Variants in ASTE1 observed in about 807,000 individuals in gnomAD.
ASTE1 encodes the protein single-strand DNA endonuclease ASTE1.
In ASTE1, 49 loss-of-function variants were observed where a neutral mutation model predicts 45.8. That is an observed-to-expected ratio of 1.07 (90% CI 0.85 to 1.36). The LOEUF is 1.36. Ranked by LOEUF, ASTE1 falls within the 40% of genes most tolerant of loss-of-function variation. ASTE1 has a pLI of 0.00. For synonymous variants in ASTE1, 296 were observed against 303.9 expected (o/e 0.97, Z 0.27); for missense variants, 709 against 804.0 (o/e 0.88, Z 1.43).
rs920656141 is a variant in ASTE1 at position 131,025,235 on chromosome 3, C to T, written c.72G>A (p.Arg24=). Residue 24 remains arginine (R), a synonymous_variant, in exon 3 of 6, where the codon CGG becomes CGA. Transcript: ENST00000264992. ...SNEFFTDLKL[R]DTKIVIDGYA... ...AACCATCAATGACAATTTTTGTGTC[C>T]CGCAACTTCAAATCAGTGAAGAACT... is the stretch of plus-strand genomic sequence containing the variant. 1 of 1,614,096 alleles carries T rather than the reference C, an allele frequency of 6.2e-7. No homozygotes were observed. Among genetic ancestry groups the T allele is most frequent in the East Asian group, 2.2e-5 (1 of 44,884 alleles).
intron 5 of ASTE1, 157 bp downstream of exon 5, chr3:131,015,987 C>CA (rs777789460): frequency 1.1e-6 from 1 of 893,798 alleles, no homozygotes; most frequent in South Asian, 1.5e-5. Flanking sequence ...TCCAGCTCTT[C>CA]AGCTGTAACA....
Position 131,025,267 on chromosome 3 carries a change from T to A in ASTE1, c.40A>T (p.Ser14Cys). The change falls in exon 3 of 6, where the codon AGT becomes TGT. Residue 14 changes from serine to cysteine, a missense_variant. Transcript: ENST00000264992. Reference sequence around the variant, plus strand: ...TTCAAATCAGTGAAGAACTCATTACTATGATCTTCCACAAAACTCATTAGT... The same window carrying A: ...TTCAAATCAGTGAAGAACTCATTACAATGATCTTCCACAAAACTCATTAGT... ...RGLMSFVEDH[S>C]NEFFTDLKLR... 6.2e-7 allele frequency: 1 copy of A among 1,614,110 alleles called. No homozygotes were observed. The highest frequency in any genetic ancestry group is 1.3e-5 in the African/African-American group (1 of 75,082).
chr3:131,020,606 G>C (rs1388181660), intron 3 of ASTE1, among the ~76,000 whole-genome samples: 2 of 152,188 alleles, frequency 1.3e-5, no homozygotes, highest in African/African-American at 4.8e-5. Context: ...GCTGGCCAAA[G>C]CAGATAATGT....
At chr3:131,018,812 A>C in intron 3 of ASTE1, 96 bp from the exon 4 acceptor site, 1 of 1,215,990 alleles carries the variant, frequency 8.2e-7, no homozygotes, top group South Asian at 1.4e-5. Flanking sequence ...TGCTACTGAA[A>C]CTTCTGTCAG....
intron 4 of ASTE1, chr3:131,017,032 G>A: frequency 1.6e-6 from 2 of 1,289,370 alleles, no homozygotes. Context: ...GCCTGCCTGG[G>A]TACAGGGTCC....
chr3:131,023,984 A>G (rs925158552), intron 3 of ASTE1, 21 bp downstream of exon 3: 3 of 1,547,976 alleles, frequency 1.9e-6, no homozygotes. Context: ...CAAAAATTTC[A>G]TTAGTATTAC....
intron 3 of ASTE1, among the ~76,000 whole-genome samples, chr3:131,019,629 A>G (rs1212810431): frequency 1.3e-5 from 2 of 152,216 alleles, no homozygotes; most frequent in Non-Finnish European, 2.9e-5. Context: ...ACTTTAAGAA[A>G]AAGAAAAGTT....
At chr3:131,021,987 T>TA (rs1357777989) in intron 3 of ASTE1, among the ~76,000 whole-genome samples, 13 of 152,226 alleles carry the variant, frequency 8.5e-5, no homozygotes, top group African/African-American at 2.9e-4. Flanking sequence ...GAGACTGACT[T>TA]ACGCTCCACT....
Position 131,024,282 on chromosome 3 carries a change from A to G in ASTE1, c.1025T>C (p.Ile342Thr). 1 of 1,614,248 alleles carries G rather than the reference A, an allele frequency of 6.2e-7. No individual in the cohort carries two copies. The highest frequency in any genetic ancestry group is 8.5e-7 in the Non-Finnish European group (1 of 1,180,048). Residue 342 changes from isoleucine to threonine, a missense_variant, in exon 3 of 6, where the codon ATC becomes ACC. Coordinates refer to ENST00000264992, the MANE Select transcript of ASTE1 (RefSeq NM_014065.4). ...ALAKGQLSPF[I>T]SDALVLRRTI... ...CCGTCTTAGGACCAAAGCATCACTG[A>G]TGAAAGGAGATAGCTGGCCTTTAGC...
intron 5 of ASTE1, among the ~76,000 whole-genome samples, chr3:131,014,750 AT>A (rs1299038312): frequency 1.3e-5 from 2 of 152,230 alleles, no homozygotes; most frequent in Non-Finnish European, 2.9e-5. Context: ...ATATGAGAAA[AT>A]TTATTGGCAT....
In ASTE1 at chr3:131,024,673, TATTC is replaced by T. The variant is rs757480385; in HGVS notation, c.630_633del (p.Met210IlefsTer26). On this transcript the variant is annotated frameshift_variant, in exon 3 of 6. Transcript: ENST00000264992. LOFTEE classifies it high-confidence loss of function. ...ACCGCAAAGAGAGGTAGTAGAGCTT[TATTC>T]ATATTGCTGAAGTGATGGCAGAATG... The T allele has an allele frequency of 6.3e-7, 1 of 1,593,630 alleles. No homozygotes were observed. The highest frequency in any genetic ancestry group is 1.3e-5 in the African/African-American group (1 of 74,440).
In ASTE1 at chr3:131,024,667, G is replaced by T. The variant is rs2063786277; in HGVS notation, c.640C>A (p.Leu214Ile). Residue 214 changes from leucine to isoleucine, a missense_variant, in exon 3 of 6, where the codon CTA becomes ATA. Physicochemically the swap from Leu to Ile is conservative, Grantham distance 5. Transcript: ENST00000264992. ...CHHFSNMNKALLPLFAVLCGN... is the reference protein window; with the variant it reads ...CHHFSNMNKAILPLFAVLCGN... Reference sequence around the variant, plus strand: ...CATAGCACCGCAAAGAGAGGTAGTAGAGCTTTATTCATATTGCTGAAGTGA... The same window carrying T: ...CATAGCACCGCAAAGAGAGGTAGTATAGCTTTATTCATATTGCTGAAGTGA... 1.3e-6 allele frequency: 2 copies of T among 1,593,240 alleles called. No individual in the cohort carries two copies. The highest frequency in any genetic ancestry group is 1.7e-6 in the Non-Finnish European group (2 of 1,169,996).
rs1317028853 is a variant in ASTE1 at position 131,014,145 on chromosome 3, G to A, written c.1952C>T (p.Thr651Ile). 11 of 1,613,386 alleles carry A rather than the reference G, an allele frequency of 6.8e-6. No individual in the cohort carries two copies. Among genetic ancestry groups the A allele is most frequent in the East Asian group, 2.2e-5 (1 of 44,874 alleles). ...SKNRGRTTAHTKCWYEGNNRF... is the reference protein window; with the variant it reads ...SKNRGRTTAHIKCWYEGNNRF... ...GTTGTTTCCCTCATACCAACACTTGGTGTGTGCAGTGGTTCTCCCTCTGTT... is the reference window on the plus strand; with the variant it reads ...GTTGTTTCCCTCATACCAACACTTGATGTGTGCAGTGGTTCTCCCTCTGTT... The change falls in exon 6 of 6, where the codon ACC (threonine) becomes ATC (isoleucine). Residue 651 changes from threonine to isoleucine, a missense_variant. By Grantham distance (89) the Thr-to-Ile change is moderately conservative. Transcript: ENST00000264992.
chr3:131,020,553 T>G (rs1290890314), intron 3 of ASTE1, among the ~76,000 whole-genome samples: 2 of 150,450 alleles, frequency 1.3e-5, no homozygotes, highest in African/African-American at 4.9e-5. Flanking sequence ...ATGTGGTTAT[T>G]GTGGGAATTA....
In ASTE1 at chr3:131,022,029, A is replaced by T. The variant is rs939444837; in HGVS notation, c.1302+1976T>A. 3.9e-5 allele frequency among the ~76,000 whole-genome samples: 6 copies of T among 152,182 alleles called. No homozygotes were observed. In the South Asian group the frequency reaches 1.2e-3, roughly 31 times the overall value. On this transcript the variant is annotated intron_variant, in intron 3 of 5. Coordinates refer to ENST00000264992, the MANE Select transcript of ASTE1 (RefSeq NM_014065.4). ...TTTTGTACCCCTGGAAATGTGCTAA[A>T]GGTAGATTGTCAGTTGTGTTACCAA...
chr3:131,017,795 A>C (rs6782216), intron 4 of ASTE1, among the ~76,000 whole-genome samples: 27,839 of 151,116 alleles, frequency 0.18, 2,670 homozygotes, highest in Middle Eastern at 0.22. Flanking sequence ...GATGGTGAAA[A>C]CCCGTCTCTA....
chr3:131,014,510 T>A, intron 5 of ASTE1, 123 bp from the exon 6 acceptor site: 2 of 907,920 alleles, frequency 2.2e-6, no homozygotes, highest in Non-Finnish European at 3.2e-6. Context: ...TCTATAATAT[T>A]ATCGAAATTA....
intron 3 of ASTE1, among the ~76,000 whole-genome samples, chr3:131,022,127 G>C (rs948780314): frequency 6.6e-6 from 1 of 152,082 alleles, no homozygotes; most frequent in African/African-American, 2.4e-5. Flanking sequence ...ACACCTGATG[G>C]GGACACCATA....
rs34815684 is a variant in ASTE1 at position 131,024,458 on chromosome 3, C to CT, written c.848dup (p.Asp284GlyfsTer6). Reference sequence around the variant, plus strand: ...GAAGTTCCTTAACATTTTCTCGATCCTTTTTTGGGAGGTATTTCAGAACAT... The same window carrying CT: ...GAAGTTCCTTAACATTTTCTCGATCCTTTTTTTGGGAGGTATTTCAGAACAT... On this transcript the variant is annotated frameshift_variant, in exon 3 of 6. Transcript: ENST00000264992. LOFTEE classifies it high-confidence loss of function. 2 of 1,614,070 alleles carry CT rather than the reference C, an allele frequency of 1.2e-6. No individual in the cohort carries two copies. The highest frequency in any genetic ancestry group is 1.7e-6 in the Non-Finnish European group (2 of 1,180,004).
Sources: gnomAD v4.1 joint callset for allele counts (sites outside exome capture counted in the v4.1 genomes callset) on GRCh38, gnomAD v4.1.1 for gene constraint, MANE v1.5 for transcripts, NCBI Gene and HGNC (gene_info 2026-07-23, HGNC 2026-07-21) for gene names.